Variants in CEP290 observed in about 807,000 individuals in gnomAD.
The protein encoded by CEP290 is centrosomal protein 290.
Under a neutral mutation model 344.9 loss-of-function variants are expected in CEP290, and 317 were observed. That is an observed-to-expected ratio of 0.92 (90% CI 0.84 to 1.01). The LOEUF is 1.01. Ranked by LOEUF, CEP290 falls within the 50% of genes least tolerant of loss-of-function variation. The pLI, the probability that CEP290 is intolerant of heterozygous loss-of-function variation, is 0.00. For synonymous variants in CEP290, 932 were observed against 895.8 expected, an observed-to-expected ratio of 1.04 and a Z score of -0.72; for missense variants, 2,754 against 2,761.4, an observed-to-expected ratio of 1.00 and a Z score of 0.06.
intron 44 of CEP290, among the ~76,000 whole-genome samples, chr12:88,067,340 C>T (rs937677783): frequency 6.6e-6 from 1 of 152,112 alleles, no homozygotes; most frequent in Admixed American, 6.6e-5. Context: ...TACACACTTT[C>T]CCATTTGCAC....
At position 88,118,482 on chromosome 12, in the gene CEP290, C is replaced by T. The variant is rs587783009; in HGVS notation, c.1711+1G>A. 3.2e-6 allele frequency: 5 copies of T among 1,552,348 alleles called. No homozygotes were observed. Among genetic ancestry groups the T allele is most frequent in the Middle Eastern group, 1.7e-4 (1 of 5,974 alleles). ...TAAAGGTTTAGAATAACTGAGTATACCTGAAGTTGCACTTCTTTTTCCTCT... is the reference window on the plus strand; with the variant it reads ...TAAAGGTTTAGAATAACTGAGTATATCTGAAGTTGCACTTCTTTTTCCTCT... On this transcript the variant is annotated splice_donor_variant, in intron 17 of 53. Coordinates refer to ENST00000552810, the MANE Select transcript of CEP290 (RefSeq NM_025114.4). LOFTEE classifies it high-confidence loss of function.
At chr12:88,132,647 G>C (rs1384004736) in intron 6 of CEP290, among the ~76,000 whole-genome samples, 2 of 152,082 alleles carry the variant, frequency 1.3e-5, no homozygotes, top group East Asian at 1.9e-4. Flanking sequence ...TAAAAATACT[G>C]ACAAAAAGAT....
chr12:88,120,201 T>A lies in CEP290; in HGVS notation c.1435A>T (p.Ile479Phe), dbSNP rs1565899902. Residue 479 changes from isoleucine (I) to phenylalanine (F), a missense_variant, in exon 15 of 54, where the codon ATT becomes TTT. Physicochemically the swap from Ile to Phe is conservative, Grantham distance 21 (BLOSUM62 0). Coordinates refer to ENST00000552810, the MANE Select transcript of CEP290 (RefSeq NM_025114.4). ...TTGATTTCCTTTGTTAATATTTCAA[T>A]CTCTCGATCTCTTATTTTAATTTGG... ...KNQIKIRDRE[I>F]EILTKEINKL... 6.6e-7 allele frequency: 1 copy of A among 1,514,392 alleles called. No individual in the cohort carries two copies. The highest frequency in any genetic ancestry group is 1.4e-5 in the African/African-American group (1 of 71,574). The allele number at this position is 1,514,392 out of a possible 1,614,324, so 93.8% of individuals were successfully genotyped here.
At chr12:88,059,701 C>G (rs952559670) in intron 48 of CEP290, among the ~76,000 whole-genome samples, 197 bp downstream of exon 48, 22 of 152,312 alleles carry the variant, frequency 1.4e-4, no homozygotes, top group Middle Eastern at 6.8e-3. Context: ...GCCACCGTGC[C>G]CAGCCTAAAT....
At chr12:88,128,243 T>A (rs1396143246) in intron 11 of CEP290, among the ~76,000 whole-genome samples, 1 of 152,174 alleles carries the variant, frequency 6.6e-6, no homozygotes, top group Non-Finnish European at 1.5e-5. Context: ...CTTATTTCCA[T>A]TGCTAATGCT....
intron 43 of CEP290, among the ~76,000 whole-genome samples, chr12:88,069,625 T>G (rs973552712): frequency 2.6e-5 from 4 of 152,200 alleles, no homozygotes; most frequent in African/African-American, 4.8e-5. Context: ...TAAAAGATTT[T>G]TAAGAAATGG....
chr12:88,115,549 A>T, intron 18 of CEP290: 1 of 1,291,866 alleles, frequency 7.7e-7, no homozygotes, highest in Non-Finnish European at 1.0e-6. Flanking sequence ...TTGATCAAGA[A>T]TTCCTGTGCT....
intron 21 of CEP290, 83 bp downstream of exon 21, chr12:88,111,611 C>A: frequency 8.6e-7 from 1 of 1,164,146 alleles, no homozygotes; most frequent in Non-Finnish European, 1.2e-6. Flanking sequence ...TCTCATAAAG[C>A]ATTCTTTTTA....
chr12:88,116,701 G>A (rs1381956239), intron 18 of CEP290, among the ~76,000 whole-genome samples: 9 of 152,158 alleles, frequency 5.9e-5, no homozygotes, highest in African/African-American at 1.9e-4. Flanking sequence ...CTGGCCGGGC[G>A]CGGTGGCTCA....
Position 88,096,920 on chromosome 12 carries a change from A to G in CEP290, c.3071T>C (p.Ile1024Thr). 6.3e-7 allele frequency: 1 copy of G among 1,579,420 alleles called. No homozygotes were observed. Among genetic ancestry groups the G allele is most frequent in the Non-Finnish European group, 8.6e-7 (1 of 1,159,318 alleles). Residue 1024 changes from isoleucine to threonine, a missense_variant, in exon 27 of 54, where the codon ATT becomes ACT. Transcript: ENST00000552810. The part of the protein sequence containing the change: ...LEITKEKLHT[I>T]EQAWEQETKL... ...AGTTTCCTGTTCCCAGGCTTGTTCA[A>G]TAGTGTGAAGTTTTTCCTTGGTAAT...
intron 52 of CEP290, among the ~76,000 whole-genome samples, chr12:88,051,194 C>CTTTTTTT (rs11321423): frequency 2.3e-5 from 2 of 86,432 alleles, no homozygotes; most frequent in African/African-American, 7.9e-5. Context: ...GGACAAGTAT[C>CTTTTTTT]TTTTTTTTTT....
chr12:88,086,641 C>G, intron 32 of CEP290, 143 bp from the exon 33 acceptor site: 1 of 581,876 alleles, frequency 1.7e-6, no homozygotes, highest in Non-Finnish European at 2.9e-6. Context: ...AAAATACAAA[C>G]TCAGAGAGGT....
intron 26 of CEP290, among the ~76,000 whole-genome samples, chr12:88,099,726 G>A (rs2037728459): frequency 6.6e-6 from 1 of 152,084 alleles, no homozygotes; most frequent in Non-Finnish European, 1.5e-5. Flanking sequence ...CATAATTATA[G>A]TTTTATATAC....
At chr12:88,117,772 C>T (rs968480376) in intron 17 of CEP290, among the ~76,000 whole-genome samples, 11 of 152,334 alleles carry the variant, frequency 7.2e-5, no homozygotes, top group South Asian at 4.1e-4. Context: ...TGGTGGCTCA[C>T]GCCTATAATT....
chr12:88,119,180 C>T (rs976140451), intron 15 of CEP290, among the ~76,000 whole-genome samples: 2 of 152,132 alleles, frequency 1.3e-5, no homozygotes, highest in Admixed American at 1.3e-4. Flanking sequence ...ACTTTTCACA[C>T]ATATATATCT....
intron 49 of CEP290, among the ~76,000 whole-genome samples, chr12:88,056,260 C>A (rs1387758624): frequency 1.3e-5 from 2 of 150,734 alleles, no homozygotes; most frequent in Non-Finnish European, 3.0e-5. Flanking sequence ...ATTAATAGTT[C>A]AAAAAAATAC....
At chr12:88,060,106 A>G (rs1592740813) in intron 47 of CEP290, 86 bp from the exon 48 acceptor site, 2 of 1,179,072 alleles carry the variant, frequency 1.7e-6, no homozygotes, top group East Asian at 2.6e-5. Flanking sequence ...AAATCTTCAA[A>G]GTAGTTTTAG....
Position 88,086,461 on chromosome 12 carries a change from T to C in CEP290, c.4232A>G (p.Glu1411Gly). 2 of 1,599,928 alleles carry C rather than the reference T, an allele frequency of 1.3e-6. No homozygotes were observed. ...EERQMAWDQR[E>G]VDLERQLDIF... ...GTCTAGTTGGCGTTCCAGGTCAACT[T>C]CTCTTTGATCCCAGGCCATTTGTCT... Residue 1411 changes from glutamate to glycine, a missense_variant, in exon 33 of 54, where the codon GAA (glutamate) becomes GGA (glycine). Physicochemically the swap from Glu to Gly is moderately conservative, Grantham distance 98. Transcript: ENST00000552810.
rs569543965 is a variant in CEP290 at position 88,055,617 on chromosome 12, C to T, written c.6919G>A (p.Glu2307Lys). Residue 2307 changes from glutamate to lysine, a missense_variant, in exon 50 of 54, where the codon GAA becomes AAA. Coordinates refer to ENST00000552810, the MANE Select transcript of CEP290 (RefSeq NM_025114.4). ...TCATTGTATTTGTTAACTTTTTGTT[C>T]TCTCTCTGTTGCTTCTTTTACAAGC... The part of the protein sequence containing the change: ...KQLVKEATER[E>K]QKVNKYNEDL... 3.8e-6 allele frequency: 6 copies of T among 1,576,966 alleles called. No individual in the cohort carries two copies. In the African/African-American group the frequency reaches 8.1e-5, roughly 21 times the overall value.
Sources: gnomAD v4.1 joint callset for allele counts (sites outside exome capture counted in the v4.1 genomes callset) on GRCh38, gnomAD v4.1.1 for gene constraint, MANE v1.5 for transcripts, NCBI Gene and HGNC (gene_info 2026-07-23, HGNC 2026-07-21) for gene names.